LRRFIP2: variants seen among roughly 807,000 people sequenced by gnomAD.
The protein encoded by LRRFIP2 is LRR binding FLII interacting protein 2.
LRRFIP2 carries 109 observed loss-of-function variants against 125.9 expected under a neutral mutation model. The observed-to-expected ratio is 0.87, with a 90% CI of 0.74 to 1.01. LRRFIP2 has a LOEUF of 1.01. Ranked by LOEUF, LRRFIP2 falls within the 50% of genes least tolerant of loss-of-function variation. The pLI, the probability that LRRFIP2 is intolerant of heterozygous loss-of-function variation, is 0.00. For missense variants in LRRFIP2, 850 were observed against 862.3 expected, an observed-to-expected ratio of 0.99 and a Z score of 0.18; for synonymous variants, 291 against 293.1, an observed-to-expected ratio of 0.99 and a Z score of 0.07.
rs2088214952 is a variant in LRRFIP2 at position 37,060,311 on chromosome 3, T to TTTTGTTTTG, written c.1750-1402_1750-1401insCAAAACAAA. 1.3e-5 allele frequency among the ~76,000 whole-genome samples: 2 copies of TTTTGTTTTG among 152,078 alleles called. No homozygotes were observed. Among genetic ancestry groups the TTTTGTTTTG allele is most frequent in the Admixed American group, 1.3e-4 (2 of 15,250 alleles). The stretch of plus-strand genomic sequence containing the variant: ...ACTGTTTTTGTTTTGTTTTGTTTTG[T>TTTTGTTTTG]TTTGTTTGTTTGTTTGAGACAGGGT... On this transcript the variant is annotated intron_variant, in intron 24 of 27. Coordinates refer to ENST00000336686, the MANE Select transcript of LRRFIP2 (RefSeq NM_006309.4). This position sits in a 1 kb window ranked among gnomAD's most constrained non-coding sequence, Gnocchi z 4.1.
At chr3:37,064,731 A>G (rs570786531) in intron 23 of LRRFIP2, 3 of 152,266 alleles carry the variant, frequency 2.0e-5, no homozygotes, top group East Asian at 3.9e-4. Context: ...AGGAGATACC[A>G]TGGTTCACTT....
At chr3:37,125,859 T>G (rs1452764692) in intron 4 of LRRFIP2, among the ~76,000 whole-genome samples, 2 of 152,240 alleles carry the variant, frequency 1.3e-5, no homozygotes, top group Non-Finnish European at 2.9e-5. Context: ...TTGTAACTAT[T>G]ACATGCCAAC....
chr3:37,062,387 G>C (rs939243190), intron 24 of LRRFIP2, among the ~76,000 whole-genome samples: 9 of 152,030 alleles, frequency 5.9e-5, no homozygotes, highest in African/African-American at 2.2e-4. Context: ...TTCCAAAATA[G>C]AGAACACAGC....
chr3:37,110,925 A>T (rs2094524918), intron 9 of LRRFIP2, 66 bp downstream of exon 9: 2 of 1,467,808 alleles, frequency 1.4e-6, no homozygotes, highest in Admixed American at 3.5e-5. Context: ...CAAAATGCAA[A>T]ATGGGGAGAT....
intron 24 of LRRFIP2, 65 bp from the exon 25 acceptor site, chr3:37,058,975 A>G (rs778207259): frequency 6.3e-7 from 1 of 1,598,536 alleles, no homozygotes; most frequent in Non-Finnish European, 8.5e-7. Context: ...TGCTTATTCT[A>G]TGGTCACATC....
intron 18 of LRRFIP2, among the ~76,000 whole-genome samples, chr3:37,084,819 C>T (rs2092925056): frequency 6.6e-6 from 1 of 151,858 alleles, no homozygotes; most frequent in Non-Finnish European, 1.5e-5. Flanking sequence ...ACTATATCTA[C>T]TTTGGTAATT....
intron 6 of LRRFIP2, 48 bp from the exon 7 acceptor site, chr3:37,115,143 A>T (rs529188106): frequency 7.4e-7 from 1 of 1,356,976 alleles, no homozygotes; most frequent in South Asian, 1.3e-5. Context: ...AAATTCAGAA[A>T]TATAAAGAAG....
chr3:37,061,311 G>A lies in LRRFIP2; in HGVS notation c.1750-2401C>T, dbSNP rs146943659. Among the ~76,000 whole-genome samples the A allele has an allele frequency of 7.1e-3, 1,076 of 152,216 alleles. 8 individuals carry two copies. The highest frequency in any genetic ancestry group is 0.01 in the Non-Finnish European group (696 of 68,012). On this transcript the variant is annotated intron_variant, in intron 24 of 27. Coordinates refer to ENST00000336686, the MANE Select transcript of LRRFIP2 (RefSeq NM_006309.4). ...CTGGCCTGAGGCCTCAGGAAACTGA[G>A]CTCAGAAGCTGAGCAGATGCTGACA...
At position 37,109,696 on chromosome 3, in the gene LRRFIP2, G is replaced by A. The variant is rs763928513; in HGVS notation, c.521C>T (p.Ser174Phe). 1 of 1,613,966 alleles carries A rather than the reference G, an allele frequency of 6.2e-7. No homozygotes were observed. Among genetic ancestry groups the A allele is most frequent in the Non-Finnish European group, 8.5e-7 (1 of 1,179,894 alleles). ...PTSAYYTRQS[S>F]SLYSDPLATY... ...TGCCAGAGGGTCACTGTACAGGGAA[G>A]AAGACTGCTAAGAGACAAAAACAAA... Residue 174 changes from serine (S) to phenylalanine (F), a missense_variant, in exon 10 of 28, where the codon TCT (serine) becomes TTT (phenylalanine). Coordinates refer to ENST00000336686, the MANE Select transcript of LRRFIP2 (RefSeq NM_006309.4).
chr3:37,156,789 A>G (rs965064271), intron 1 of LRRFIP2, among the ~76,000 whole-genome samples: 6 of 151,600 alleles, frequency 4.0e-5, no homozygotes, highest in African/African-American at 1.2e-4. Flanking sequence ...AGGAAGGCAG[A>G]GGTAATCATA....
chr3:37,109,401 G>T, intron 11 of LRRFIP2, 126 bp downstream of exon 11: 1 of 969,036 alleles, frequency 1.0e-6, no homozygotes, highest in Non-Finnish European at 1.6e-6. Context: ...AGCACATTCT[G>T]CAGTATACAT....
intron 1 of LRRFIP2, among the ~76,000 whole-genome samples, chr3:37,164,618 G>A (rs983315763): frequency 2.6e-5 from 4 of 151,946 alleles, no homozygotes; most frequent in African/African-American, 7.3e-5. Flanking sequence ...CCACATGGGA[G>A]GCAGAGGCGG....
intron 2 of LRRFIP2, among the ~76,000 whole-genome samples, chr3:37,136,955 TTGGGGGGGG>T (rs11278623): frequency 0.016 from 30 of 1,846 alleles, no homozygotes; most frequent in South Asian, 0.033. Flanking sequence ...TCTTTCTTTT[TTGGGGGGGG>T]TGGGGGGGTG....
chr3:37,174,973 T>C (rs2096637624), upstream of LRRFIP2: 1 of 152,216 alleles, frequency 6.6e-6, no homozygotes, highest in South Asian at 2.1e-4. Flanking sequence ...GAGCATGACG[T>C]TGGTTAAACA....
intron 19 of LRRFIP2, among the ~76,000 whole-genome samples, chr3:37,080,504 A>C (rs1040288081): frequency 1.3e-5 from 2 of 152,178 alleles, no homozygotes; most frequent in Admixed American, 6.5e-5. Flanking sequence ...TAGTCAATTA[A>C]AGGATCTAAG....
At chr3:37,138,361 G>A (rs1331213588) in intron 2 of LRRFIP2, among the ~76,000 whole-genome samples, 1 of 152,100 alleles carries the variant, frequency 6.6e-6, no homozygotes, top group African/African-American at 2.4e-5. Flanking sequence ...CCATCCAATG[G>A]GTCTACAAGT....
chr3:37,166,695 C>A (rs1310675772), intron 1 of LRRFIP2, among the ~76,000 whole-genome samples: 1 of 150,352 alleles, frequency 6.7e-6, no homozygotes, highest in Non-Finnish European at 1.5e-5. Context: ...GAGTTGGAGA[C>A]CAGCCTGGGC....
At position 37,112,941 on chromosome 3, in the gene LRRFIP2, AC is replaced by A; in HGVS notation, c.411del (p.Arg137SerfsTer10). On this transcript the variant is annotated frameshift_variant, in exon 8 of 28. Coordinates refer to ENST00000336686, the MANE Select transcript of LRRFIP2 (RefSeq NM_006309.4). LOFTEE classifies it high-confidence loss of function. ...SYSHSHGMKK[R>X]SSDSHKDLLS... ...AGTAGGTCTTTATGAGAATCAGAAG[AC>A]CTCTTCTTCATTCCATGAGAGTGAC... The A allele has an allele frequency of 1.3e-6, 2 of 1,583,402 alleles. No individual in the cohort carries two copies. The highest frequency in any genetic ancestry group is 1.7e-6 in the Non-Finnish European group (2 of 1,156,412).
intron 8 of LRRFIP2, 34 bp downstream of exon 8, chr3:37,112,881 C>T (rs757594880): frequency 3.1e-6 from 4 of 1,285,196 alleles, no homozygotes; most frequent in Middle Eastern, 1.9e-4. Context: ...AACAGTACTT[C>T]GTGAATTGTG....
Sources: gnomAD v4.1 joint callset for allele counts (sites outside exome capture counted in the v4.1 genomes callset) on GRCh38, gnomAD v4.1.1 for gene constraint, Gnocchi (gnomAD v3.1) non-coding constraint, MANE v1.5 for transcripts, NCBI Gene and HGNC (gene_info 2026-07-23, HGNC 2026-07-21) for gene names.